The following GK2 variants were observed in gnomAD, a reference collection of about 807,000 sequenced individuals.
The protein encoded by GK2 is glycerol kinase 2.
In GK2, 10 loss-of-function variants were observed where a neutral mutation model predicts 9.5. That is an observed-to-expected ratio of 1.05 (90% CI 0.65 to 1.78). GK2 has a LOEUF of 1.78. GK2 is among the 40% of genes most tolerant of loss of function. The pLI is 0.00. For missense variants in GK2, 643 were observed against 669.0 expected (o/e 0.96, Z 0.43); for synonymous variants, 228 against 229.9 (o/e 0.99, Z 0.07).
chr4:79,406,970 T>C lies in GK2; in HGVS notation c.1231A>G (p.Met411Val). Residue 411 changes from methionine to valine, a missense_variant, in exon 1 of 1, where the codon ATG becomes GTG. By Grantham distance (21) the Met-to-Val change is conservative. Transcript: ENST00000358842. ...CFQTREILEA[M>V]NRDCGIPLRH... ...AGTGGAATTCCACAGTCACGGTTCATGGCTTCCAAAATCTCTCGGGTTTGG... is the reference window on the plus strand; with the variant it reads ...AGTGGAATTCCACAGTCACGGTTCACGGCTTCCAAAATCTCTCGGGTTTGG... 1.2e-6 allele frequency: 2 copies of C among 1,614,238 alleles called. No individual in the cohort carries two copies. Among genetic ancestry groups the C allele is most frequent in the Non-Finnish European group, 1.7e-6 (2 of 1,180,030 alleles).
rs369052621 is a variant in GK2 at position 79,408,101 on chromosome 4, C to G, written c.100G>C (p.Glu34Gln). 1 of 1,614,038 alleles carries G rather than the reference C, an allele frequency of 6.2e-7. No homozygotes were observed. Among genetic ancestry groups the G allele is most frequent in the African/African-American group, 1.3e-5 (1 of 74,920 alleles). Residue 34 changes from glutamate (E) to glutamine (Q), a missense_variant, in exon 1 of 1, where the codon GAA becomes CAA. Coordinates refer to ENST00000358842, the MANE Select transcript of GK2 (RefSeq NM_033214.3). The part of the protein sequence containing the change: ...RFLVFNSKTA[E>Q]LLSHHKVELT... ...TCCACTTTGTGATGACTAAGTAGTT[C>G]CGCTGTTTTTGAATTGAAAACCAGA...
Position 79,408,049 on chromosome 4 carries a change from C to A in GK2, c.152G>T (p.Gly51Val). ...TTCTTTAGGGTCTTGTTCCACCCAT[C>A]CTTCTTTTGGGAACTCTTGTGTTAA... ...VELTQEFPKE[G>V]WVEQDPKEIL... is the part of the protein sequence containing the mutation. Residue 51 changes from glycine (G) to valine (V), a missense_variant, in exon 1 of 1, where the codon GGA becomes GTA. Gly to Val is a moderately radical substitution (Grantham distance 109, BLOSUM62 -3). Coordinates refer to ENST00000358842, the MANE Select transcript of GK2 (RefSeq NM_033214.3). 3.1e-6 allele frequency: 5 copies of A among 1,614,230 alleles called. No homozygotes were observed. Among genetic ancestry groups the A allele is most frequent in the Non-Finnish European group, 4.2e-6 (5 of 1,180,032 alleles).
At position 79,407,516 on chromosome 4, in the gene GK2, G is replaced by C. The variant is rs1189646288; in HGVS notation, c.685C>G (p.Leu229Val). The C allele has an allele frequency of 6.2e-7, 1 of 1,614,074 alleles. No individual in the cohort carries two copies. Among genetic ancestry groups the C allele is most frequent in the Non-Finnish European group, 8.5e-7 (1 of 1,179,978 alleles). The change falls in exon 1 of 1, where the codon CTT becomes GTT. Residue 229 changes from leucine (L) to valine (V), a missense_variant. Physicochemically the swap from Leu to Val is conservative, Grantham distance 32. Transcript: ENST00000358842. ...LCDFFEIPMD[L>V]LPNVFSSSEI... ...GAAGAACTGAAGACATTTGGAAGAA[G>C]GTCCATTGGAATTTCAAAAAAGTCA...
At position 79,407,075 on chromosome 4, in the gene GK2, C is replaced by T; in HGVS notation, c.1126G>A (p.Ala376Thr). The T allele has an allele frequency of 6.2e-7, 1 of 1,614,186 alleles. No homozygotes were observed. Among genetic ancestry groups the T allele is most frequent in the East Asian group, 2.2e-5 (1 of 44,894 alleles). The change falls in exon 1 of 1, where the codon GCA becomes ACA. Residue 376 changes from alanine to threonine, a missense_variant. Coordinates refer to ENST00000358842, the MANE Select transcript of GK2 (RefSeq NM_033214.3). Reference sequence around the variant, plus strand: ...GTGAGGCCACAGAGTATCCCTCTTGCACTGGGCTCCCAATAAGGTGCATAT... The same window carrying T: ...GTGAGGCCACAGAGTATCCCTCTTGTACTGGGCTCCCAATAAGGTGCATAT... ...GLYAPYWEPSARGILCGLTQF... is the reference protein window; with the variant it reads ...GLYAPYWEPSTRGILCGLTQF...
rs140376639 is a variant in GK2 at position 79,408,103 on chromosome 4, G to A, written c.98C>T (p.Ala33Val). ...CACTTTGTGATGACTAAGTAGTTCC[G>A]CTGTTTTTGAATTGAAAACCAGAAA... ...TRFLVFNSKT[A>V]ELLSHHKVEL... Residue 33 changes from alanine (A) to valine (V), a missense_variant, in exon 1 of 1, where the codon GCG becomes GTG. Coordinates refer to ENST00000358842, the MANE Select transcript of GK2 (RefSeq NM_033214.3). The A allele has an allele frequency of 1.1e-4, 179 of 1,614,080 alleles. No homozygotes were observed. In the African/African-American group the frequency reaches 1.9e-3, roughly 17 times the overall value.
Position 79,408,189 on chromosome 4 carries a change from T to C in GK2, c.12A>G (p.Pro4=), listed in dbSNP as rs6837906. 289,704 of 1,593,612 alleles carry C rather than the reference T, an allele frequency of 0.18. 32,872 individuals carry two copies. Among genetic ancestry groups the C allele is most frequent in the East Asian group, 0.48 (21,410 of 44,778 alleles). Residue 4 remains proline, a synonymous_variant, in exon 1 of 1, where the codon CCA becomes CCG. Coordinates refer to ENST00000358842, the MANE Select transcript of GK2 (RefSeq NM_033214.3). MAA[P]KTAAVGPLVG... is the part of the protein sequence containing the mutation. ...CCAACGGCCCCACAGCTGCTGTCTT[T>C]GGGGCTGCCATGACACCAGTAGGTC...
In GK2 at chr4:79,407,586, T is replaced by C. The variant is rs768298734; in HGVS notation, c.615A>G (p.Thr205=). Residue 205 remains threonine (T), a synonymous_variant, in exon 1 of 1, where the codon ACA becomes ACG. Transcript: ENST00000358842. ...CCAAAGAATGGATATTAAAAAGCAT[T>C]GTCCTACTTGCATTTGTTACATCTG... ...HCTDVTNASR[T]MLFNIHSLEW... is the part of the protein sequence containing the mutation. 1.9e-6 allele frequency: 3 copies of C among 1,614,034 alleles called. No individual in the cohort carries two copies. Among genetic ancestry groups the C allele is most frequent in the Non-Finnish European group, 2.5e-6 (3 of 1,180,006 alleles).
rs1244370871 is a variant in GK2 at position 79,407,812 on chromosome 4, A to T, written c.389T>A (p.Ile130Asn). 2 of 1,614,072 alleles carry T rather than the reference A, an allele frequency of 1.2e-6. No homozygotes were observed. The highest frequency in any genetic ancestry group is 1.1e-5 in the South Asian group (1 of 91,086). Residue 130 changes from isoleucine to asparagine, a missense_variant, in exon 1 of 1, where the codon ATT (isoleucine) becomes AAT (asparagine). By Grantham distance (149) the Ile-to-Asn change is moderately radical. Coordinates refer to ENST00000358842, the MANE Select transcript of GK2 (RefSeq NM_033214.3). ...QTTVEDLSKK[I>N]PGNSNFVKSK... Reference sequence around the variant, plus strand: ...CTTGACGAAGTTACTATTTCCTGGAATTTTTTTACTAAGATCCTCAACAGT... The same window carrying T: ...CTTGACGAAGTTACTATTTCCTGGATTTTTTTTACTAAGATCCTCAACAGT...
In GK2 at chr4:79,407,352, G is replaced by A; in HGVS notation, c.849C>T (p.Cys283=). Residue 283 remains cysteine, a synonymous_variant, in exon 1 of 1, where the codon TGC becomes TGT. Transcript: ENST00000358842. ...GQAKNTYGTG[C]FLLCNTGRKC... is the part of the protein sequence containing the mutation. ...TACGACCCGTATTACACAGTAAGAA[G>A]CAACCTGTTCCATAGGTGTTTTTGG... The A allele has an allele frequency of 6.2e-7, 1 of 1,614,182 alleles. No individual in the cohort carries two copies. The highest frequency in any genetic ancestry group is 1.6e-4 in the Middle Eastern group (1 of 6,062).
rs758932931 is a variant in GK2, at chr4:79,407,074, G to A, written c.1127C>T (p.Ala376Val). The A allele has an allele frequency of 3.7e-6, 6 of 1,614,100 alleles. No individual in the cohort carries two copies. The highest frequency in any genetic ancestry group is 5.1e-6 in the Non-Finnish European group (6 of 1,180,008). ...GLYAPYWEPSARGILCGLTQF... is the reference protein window; with the variant it reads ...GLYAPYWEPSVRGILCGLTQF... ...AGTGAGGCCACAGAGTATCCCTCTT[G>A]CACTGGGCTCCCAATAAGGTGCATA... is the stretch of plus-strand genomic sequence containing the variant. The change falls in exon 1 of 1, where the codon GCA becomes GTA. Residue 376 changes from alanine (A) to valine (V), a missense_variant. Transcript: ENST00000358842.
Position 79,407,633 on chromosome 4 carries a change from C to T in GK2, c.568G>A (p.Val190Ile), listed in dbSNP as rs1429957357. Residue 190 changes from valine (V) to isoleucine (I), a missense_variant, in exon 1 of 1, where the codon GTT becomes ATT. Physicochemically the swap from Val to Ile is conservative, Grantham distance 29 (BLOSUM62 3). Transcript: ENST00000358842. ...TCTGTACAATGCACGCCTCCATTAA[C>T]TCCTCCTGTCAAACTCCAGATAAGC... ...SWLIWSLTGGVNGGVHCTDVT... is the reference protein window; with the variant it reads ...SWLIWSLTGGINGGVHCTDVT... The T allele has an allele frequency of 3.1e-6, 5 of 1,614,182 alleles. No individual in the cohort carries two copies. The highest frequency in any genetic ancestry group is 4.2e-6 in the Non-Finnish European group (5 of 1,180,014).
rs768751739 is a variant in GK2 at position 79,407,097 on chromosome 4, A to C, written c.1104T>G (p.Tyr368Ter). ...CYFVPAFSGL[Y>*]APYWEPSARG... Reference sequence around the variant, plus strand: ...TTGCACTGGGCTCCCAATAAGGTGCATATAACCCTGAAAAGGCTGGGACAA... The same window carrying C: ...TTGCACTGGGCTCCCAATAAGGTGCCTATAACCCTGAAAAGGCTGGGACAA... The change falls in exon 1 of 1, where the codon TAT (tyrosine) becomes TAG (stop). Residue 368 changes from tyrosine to a stop codon, truncating the protein, a stop_gained. Coordinates refer to ENST00000358842, the MANE Select transcript of GK2 (RefSeq NM_033214.3). LOFTEE classifies it low-confidence loss of function (END_TRUNC). 3 of 1,614,206 alleles carry C rather than the reference A, an allele frequency of 1.9e-6. No homozygotes were observed. Among genetic ancestry groups the C allele is most frequent in the Non-Finnish European group, 2.5e-6 (3 of 1,180,006 alleles).
Position 79,406,480 on chromosome 4 carries a change from C to A in GK2, c.*59G>T. 1.0e-6 allele frequency: 1 copy of A among 997,700 alleles called. No homozygotes were observed. The highest frequency in any genetic ancestry group is 2.1e-5 in the Admixed American group (1 of 47,054). 61.8% of individuals were successfully genotyped at this position (997,700 alleles called of 1,614,324 possible). A position where few individuals can be genotyped will look rare whatever the true frequency, so the allele number is the denominator to read the frequency against. On this transcript the variant is annotated 3_prime_UTR_variant, in exon 1 of 1. Transcript: ENST00000358842. ...AGTGTCATTATATTAAGAGGCAGAA[C>A]TGCTATATGCTTTCATTATGTAAAA... is the stretch of plus-strand genomic sequence containing the variant.
chr4:79,406,746 T>C lies in GK2; in HGVS notation c.1455A>G (p.Glu485=). The part of the protein sequence containing the change: ...EPQALSVLRM[E]RFEPQIQATE... ...TGGCCTGGATCTGTGGTTCAAATCG[T>C]TCCATCCTGAGAACTGACAAAGCCT... Residue 485 remains glutamate (E), a synonymous_variant, in exon 1 of 1, where the codon GAA becomes GAG. Transcript: ENST00000358842. The C allele has an allele frequency of 1.2e-6, 2 of 1,614,182 alleles. No individual in the cohort carries two copies. Among genetic ancestry groups the C allele is most frequent in the Non-Finnish European group, 8.5e-7 (1 of 1,180,014 alleles).
In GK2 at chr4:79,407,871, A is replaced by C; in HGVS notation, c.330T>G (p.Asn110Lys). ...WDKLTGEPLY[N>K]AVVWLDLRTQ... ...TTCTTAGATCAAGCCACACCACAGC[A>C]TTGTAGAGAGGCTCTCCTGTTAACT... The change falls in exon 1 of 1, where the codon AAT (asparagine) becomes AAG (lysine). Residue 110 changes from asparagine (N) to lysine (K), a missense_variant. Coordinates refer to ENST00000358842, the MANE Select transcript of GK2 (RefSeq NM_033214.3). 6.2e-7 allele frequency: 1 copy of C among 1,614,104 alleles called. No individual in the cohort carries two copies. The highest frequency in any genetic ancestry group is 8.5e-7 in the Non-Finnish European group (1 of 1,179,952).
rs1015337805 is a variant in GK2 at position 79,407,088 on chromosome 4, A to G, written c.1113T>C (p.Tyr371=). The change falls in exon 1 of 1, where the codon TAT becomes TAC. Residue 371 remains tyrosine, a synonymous_variant. Coordinates refer to ENST00000358842, the MANE Select transcript of GK2 (RefSeq NM_033214.3). Reference sequence around the variant, plus strand: ...GTATCCCTCTTGCACTGGGCTCCCAATAAGGTGCATATAACCCTGAAAAGG... The same window carrying G: ...GTATCCCTCTTGCACTGGGCTCCCAGTAAGGTGCATATAACCCTGAAAAGG... ...VPAFSGLYAP[Y]WEPSARGILC... is the part of the protein sequence containing the mutation. The G allele has an allele frequency of 1.9e-6, 3 of 1,614,090 alleles. No homozygotes were observed. Among genetic ancestry groups the G allele is most frequent in the African/African-American group, 2.7e-5 (2 of 74,924 alleles).
At position 79,407,757 on chromosome 4, in the gene GK2, G is replaced by C. The variant is rs753782585; in HGVS notation, c.444C>G (p.Tyr148Ter). ...TCCAACGAAGTTTTACTGCACTGAA[G>C]TAAGTGCTGAGTGGAAGGCCTGTCT... Reference protein sequence around the residue: ...KSKTGLPLSTYFSAVKLRWML... With the variant: ...KSKTGLPLST Residue 148 changes from tyrosine to a stop codon, truncating the protein, a stop_gained, in exon 1 of 1, where the codon TAC becomes TAG. Coordinates refer to ENST00000358842, the MANE Select transcript of GK2 (RefSeq NM_033214.3). LOFTEE classifies it high-confidence loss of function. 6.2e-7 allele frequency: 1 copy of C among 1,614,076 alleles called. No homozygotes were observed. The highest frequency in any genetic ancestry group is 8.5e-7 in the Non-Finnish European group (1 of 1,179,950).
Position 79,407,812 on chromosome 4 carries a change from A to AT in GK2, c.388dup (p.Ile130AsnfsTer5), listed in dbSNP as rs771628988. On this transcript the variant is annotated frameshift_variant, in exon 1 of 1. Coordinates refer to ENST00000358842, the MANE Select transcript of GK2 (RefSeq NM_033214.3). LOFTEE classifies it high-confidence loss of function. ...CTTGACGAAGTTACTATTTCCTGGA[A>AT]TTTTTTTACTAAGATCCTCAACAGT... is the stretch of plus-strand genomic sequence containing the variant. 87 of 1,613,954 alleles carry AT rather than the reference A, an allele frequency of 5.4e-5. No homozygotes were observed. The highest frequency in any genetic ancestry group is 2.3e-4 in the African/African-American group (17 of 74,864).
Position 79,408,010 on chromosome 4 carries a change from A to C in GK2, c.191T>G (p.Val64Gly). 6.2e-7 allele frequency: 1 copy of C among 1,614,182 alleles called. No homozygotes were observed. The highest frequency in any genetic ancestry group is 1.3e-5 in the African/African-American group (1 of 75,058). Residue 64 changes from valine (V) to glycine (G), a missense_variant, in exon 1 of 1, where the codon GTC (valine) becomes GGC (glycine). Val to Gly is a moderately radical substitution (Grantham distance 109). Coordinates refer to ENST00000358842, the MANE Select transcript of GK2 (RefSeq NM_033214.3). ...EQDPKEILQSVYECIARTCEK... is the reference protein window; with the variant it reads ...EQDPKEILQSGYECIARTCEK... ...ACACGTTCTCGCTATACACTCGTAG[A>C]CAGACTGAAGAATTTCTTTAGGGTC...
Sources: allele counts gnomAD v4.1 joint callset, GRCh38; gene constraint gnomAD v4.1.1; transcripts MANE v1.5; gene names NCBI Gene and HGNC (gene_info 2026-07-23, HGNC 2026-07-21).